Variants in THADA observed in about 807,000 individuals in gnomAD.
THADA encodes tRNA (32-2'-O)-methyltransferase regulator THADA.
Under a neutral mutation model 219.8 loss-of-function variants are expected in THADA, and 213 were observed. That is an observed-to-expected ratio of 0.97 (90% CI 0.87 to 1.09). The LOEUF is 1.09. THADA is among the 50% of genes least tolerant of loss of function. The pLI is 0.00. For synonymous variants in THADA, 1,018 were observed against 828.9 expected, an observed-to-expected ratio of 1.23 and a Z score of -3.92; for missense variants, 2,956 against 2,311.3, an observed-to-expected ratio of 1.28 and a Z score of -5.72.
chr2:43,359,605 G>T (rs1351315196), intron 29 of THADA, among the ~76,000 whole-genome samples: 1 of 152,190 alleles, frequency 6.6e-6, no homozygotes, highest in African/African-American at 2.4e-5. Context: ...GCTTGAACCT[G>T]GGAGGCGGAG....
chr2:43,290,172 C>T (rs113796948), intron 34 of THADA, among the ~76,000 whole-genome samples: 2,622 of 151,802 alleles, frequency 0.017, 36 homozygotes, highest in Non-Finnish European at 0.03. Context: ...TGGAGTTTCA[C>T]TGTTGGTCAG....
At chr2:43,264,334 A>G (rs1671287974) in intron 36 of THADA, among the ~76,000 whole-genome samples, 2 of 145,934 alleles carry the variant, frequency 1.4e-5, no homozygotes, top group Non-Finnish European at 3.0e-5. Flanking sequence ...TGCCCGGGCT[A>G]AAGGGCAATG....
chr2:43,575,081 T>C (rs1403202916), intron 10 of THADA, 54 bp from the exon 11 acceptor site: 1 of 1,290,880 alleles, frequency 7.7e-7, no homozygotes, highest in East Asian at 2.4e-5. Flanking sequence ...TAAAAGAAAT[T>C]TCATTTTATA....
At chr2:43,510,057 A>G (rs978411690) in intron 22 of THADA, among the ~76,000 whole-genome samples, 1 of 152,214 alleles carries the variant, frequency 6.6e-6, no homozygotes, top group Non-Finnish European at 1.5e-5. Context: ...AATGAAATGT[A>G]AAACAGACAC....
chr2:43,329,893 C>T (rs1261520977), intron 30 of THADA, among the ~76,000 whole-genome samples: 5 of 152,202 alleles, frequency 3.3e-5, no homozygotes, highest in South Asian at 2.1e-4. Context: ...ATAGAGACTT[C>T]GTTATTTGAC....
chr2:43,402,483 C>T (rs1220424398), intron 28 of THADA, among the ~76,000 whole-genome samples: 2 of 152,180 alleles, frequency 1.3e-5, no homozygotes, highest in Non-Finnish European at 2.9e-5. Context: ...AACTTTACCA[C>T]CTTTAACAGA....
At chr2:43,418,247 A>G (rs1451086792) in intron 28 of THADA, among the ~76,000 whole-genome samples, 1 of 152,228 alleles carries the variant, frequency 6.6e-6, no homozygotes, top group Non-Finnish European at 1.5e-5. Flanking sequence ...TCACCTCCAA[A>G]GAAAGGAACA....
chr2:43,325,176 G>A (rs555308571), intron 30 of THADA, among the ~76,000 whole-genome samples: 2 of 152,166 alleles, frequency 1.3e-5, no homozygotes, highest in African/African-American at 2.4e-5. Flanking sequence ...GGCAGGCAGA[G>A]GGCAGGGCTT....
chr2:43,500,466 C>T (rs928466765), intron 24 of THADA, among the ~76,000 whole-genome samples: 10 of 152,182 alleles, frequency 6.6e-5, no homozygotes, highest in Non-Finnish European at 1.5e-4. Flanking sequence ...AGGAAAACCA[C>T]AGGCCAGTCT....
chr2:43,549,978 T>C (rs1249346897), intron 19 of THADA, among the ~76,000 whole-genome samples: 3 of 152,218 alleles, frequency 2.0e-5, no homozygotes, highest in Non-Finnish European at 2.9e-5. Flanking sequence ...CATTATGTAA[T>C]ATACTGCTTT....
intron 36 of THADA, among the ~76,000 whole-genome samples, chr2:43,259,793 T>C (rs1670734553): frequency 6.6e-6 from 1 of 152,246 alleles, no homozygotes; most frequent in Non-Finnish European, 1.5e-5. Context: ...GAATACCTTA[T>C]ACATATATCT....
rs61756228 is a variant in THADA, at chr2:43,292,963, G to A, written c.4689C>T (p.Ala1563=). Residue 1563 remains alanine (A), a synonymous_variant, in exon 32 of 38, where the codon GCC becomes GCT. Transcript: ENST00000405975. The stretch of plus-strand genomic sequence containing the variant: ...CTGCTGCTAAGAACTTTTCCAAGAG[G>A]GCTTCCAGTGTTAGTGAGCGCACTT... ...FPEVRSLTLE[A]LLEKFLAAAS... The A allele has an allele frequency of 8.5e-4, 1,368 of 1,613,984 alleles. 9 individuals are homozygous for A. The highest frequency in any genetic ancestry group is 1.1e-3 in the Non-Finnish European group (1,289 of 1,179,894).
intron 26 of THADA, among the ~76,000 whole-genome samples, chr2:43,448,271 G>C (rs1008937247): frequency 9.9e-5 from 15 of 152,182 alleles, no homozygotes; most frequent in Non-Finnish European, 2.9e-5. Context: ...GTCAATTTTG[G>C]TCAGTTTCAG....
chr2:43,350,274 G>A (rs1668103105), intron 29 of THADA, among the ~76,000 whole-genome samples: 1 of 152,166 alleles, frequency 6.6e-6, no homozygotes, highest in Non-Finnish European at 1.5e-5. Context: ...GATGACTGAG[G>A]GAGGAATCTA....
chr2:43,286,399 G>A (rs1270752961), intron 35 of THADA, among the ~76,000 whole-genome samples: 1 of 152,090 alleles, frequency 6.6e-6, no homozygotes, highest in Non-Finnish European at 1.5e-5. Flanking sequence ...GAGGCTCTTT[G>A]TAGAAAAAAG....
intron 8 of THADA, among the ~76,000 whole-genome samples, chr2:43,580,140 T>G (rs1700275109): frequency 6.6e-6 from 1 of 150,576 alleles, no homozygotes; most frequent in African/African-American, 2.4e-5. Context: ...TTCCCCTGCC[T>G]CAGCCTCCCG....
At position 43,450,568 on chromosome 2, in the gene THADA, A is replaced by T. The variant is rs535730907; in HGVS notation, c.3837-20266T>A. Among the ~76,000 whole-genome samples the T allele has an allele frequency of 8.5e-5, 13 of 152,154 alleles. No individual in the cohort carries two copies. In the East Asian group the frequency reaches 2.3e-3, roughly 27 times the overall value. ...CACAGCAAAAAATAAACTAAACATTAAAAAAAAGCTATAAGGCATATAGAA... is the reference window on the plus strand; with the variant it reads ...CACAGCAAAAAATAAACTAAACATTTAAAAAAAGCTATAAGGCATATAGAA... On this transcript the variant is annotated intron_variant, in intron 26 of 37. Coordinates refer to ENST00000405975, the MANE Select transcript of THADA (RefSeq NM_022065.5).
intron 26 of THADA, among the ~76,000 whole-genome samples, chr2:43,457,248 C>A (rs1379036400): frequency 2.0e-5 from 3 of 151,474 alleles, no homozygotes; most frequent in African/African-American, 7.3e-5. Flanking sequence ...TACTCTCACT[C>A]TCCTACTCAC....
intron 29 of THADA, among the ~76,000 whole-genome samples, chr2:43,379,030 A>C (rs1031739269): frequency 1.3e-5 from 2 of 152,244 alleles, no homozygotes; most frequent in Non-Finnish European, 2.9e-5. Context: ...GCAAGAAAAA[A>C]TAATGAACAG....
Sources: allele counts gnomAD v4.1 joint callset (sites outside exome capture counted in the v4.1 genomes callset), GRCh38; gene constraint gnomAD v4.1.1; transcripts MANE v1.5; gene names NCBI Gene and HGNC (gene_info 2026-07-23, HGNC 2026-07-21).